DENND1C: variants seen among roughly 807,000 people sequenced by gnomAD.
DENND1C encodes the protein DENN domain-containing protein 1C.
DENND1C carries 64 observed loss-of-function variants against 87.9 expected under a neutral mutation model. That is an observed-to-expected ratio of 0.73 (90% CI 0.60 to 0.90). DENND1C has a LOEUF of 0.90. Ranked by LOEUF, DENND1C falls within the 40% of genes least tolerant of loss-of-function variation. The pLI, the probability that DENND1C is intolerant of heterozygous loss-of-function variation, is 0.00. For synonymous variants in DENND1C, 384 were observed against 424.4 expected (o/e 0.90, Z 1.17); for missense variants, 980 against 1,037.0 (o/e 0.95, Z 0.76).
chr19:6,468,702 CT>C, intron 20 of DENND1C, 57 bp from the exon 21 acceptor site: 1 of 1,413,554 alleles, frequency 7.1e-7, no homozygotes, highest in Non-Finnish European at 9.4e-7. Flanking sequence ...GGGGCTGAGG[CT>C]TGCTGGAGAA....
intron 6 of DENND1C, among the ~76,000 whole-genome samples, chr19:6,478,376 G>C (rs1048846251): frequency 1.3e-5 from 2 of 151,938 alleles, no homozygotes; most frequent in African/African-American, 4.8e-5. Flanking sequence ...CTGAGCAGCT[G>C]GGATTACAGG....
rs1024052163 is a variant in DENND1C at position 6,468,782 on chromosome 19, C to A, written c.1515+64G>T. The A allele has an allele frequency of 1.9e-5, 28 of 1,439,894 alleles. 1 individual carries two copies. The South Asian group carries it at 3.9e-4, about 20-fold the overall frequency. 89.2% of individuals were successfully genotyped at this position (1,439,894 alleles called of 1,614,324 possible). A position where few individuals can be genotyped will look rare whatever the true frequency, so the allele number is the denominator to read the frequency against. Reference sequence around the variant, plus strand: ...AGGAGGTGAGATGTCTGGATGGGGACTGGGATGGGTAGAGGATTCAGTGAT... The same window carrying A: ...AGGAGGTGAGATGTCTGGATGGGGAATGGGATGGGTAGAGGATTCAGTGAT... On this transcript the variant is annotated intron_variant, in intron 20 of 22. Coordinates refer to ENST00000381480, the MANE Select transcript of DENND1C (RefSeq NM_024898.4).
rs1412522833 is a variant in DENND1C, at chr19:6,477,240, G to C, written c.491C>G (p.Pro164Arg). 5 of 1,534,456 alleles carry C rather than the reference G, an allele frequency of 3.3e-6. No individual in the cohort carries two copies. The highest frequency in any genetic ancestry group is 2.7e-5 in the African/African-American group (2 of 72,866). ...CACCGGCTTGCTATTCCCCCGGGTAGGGGGGGGGATACCCTGCCCGCTGGA... is the reference window on the plus strand; with the variant it reads ...CACCGGCTTGCTATTCCCCCGGGTACGGGGGGGGATACCCTGCCCGCTGGA... The part of the protein sequence containing the change: ...TVSSGQGIPP[P>R]TRGNSKPLSC... The change falls in exon 8 of 23, where the codon CCT (proline) becomes CGT (arginine). Residue 164 changes from proline to arginine, a missense_variant. Coordinates refer to ENST00000381480, the MANE Select transcript of DENND1C (RefSeq NM_024898.4).
rs781623078 is a variant in DENND1C at position 6,470,358 on chromosome 19, A to G, written c.1299T>C (p.Gly433=). ...CCTTGACTGAGTGCAGGAGGGCGCC[A>G]CCACCTTTCTGCGGGAGAGAAGATA... ...QLWADNLKKG[G]GALLHSVKAK... is the part of the protein sequence containing the mutation. Residue 433 remains glycine (G), a synonymous_variant, in exon 18 of 23, where the codon GGT becomes GGC. Coordinates refer to ENST00000381480, the MANE Select transcript of DENND1C (RefSeq NM_024898.4). The G allele has an allele frequency of 4.7e-5, 76 of 1,612,588 alleles. No homozygotes were observed. The highest frequency in any genetic ancestry group is 5.9e-5 in the Non-Finnish European group (70 of 1,179,476).
chr19:6,481,621 G>C (rs564476850), intron 1 of DENND1C, 58 bp downstream of exon 1: 124 of 1,609,462 alleles, frequency 7.7e-5, no homozygotes, highest in Middle Eastern at 3.3e-4. Flanking sequence ...CCTCTGCCCC[G>C]GCTCAGGCCT....
At position 6,471,398 on chromosome 19, in the gene DENND1C, G is replaced by A. The variant is rs530060301; in HGVS notation, c.1249+8C>T. On this transcript the variant is annotated splice_region_variant and intron_variant, in intron 16 of 22. Coordinates refer to ENST00000381480, the MANE Select transcript of DENND1C (RefSeq NM_024898.4). ...GTGGGGGACCCAGGGGCTGGACTCA[G>A]GGCTCACCTGAGGAGGCCCCGCAGC... 6.3e-7 allele frequency: 1 copy of A among 1,585,240 alleles called. No individual in the cohort carries two copies. Among genetic ancestry groups the A allele is most frequent in the Admixed American group, 1.8e-5 (1 of 55,270 alleles).
At position 6,468,907 on chromosome 19, in the gene DENND1C, G is replaced by A; in HGVS notation, c.1454C>T (p.Ala485Val). ...CAGGCGGTCTGAGCGGCTGGGGAGG[G>A]CTGGGGCCCTCAGAGAGCCCCCCCT... ...LQRGGSLRAP[A>V]LPSRSDRLQQ... The change falls in exon 20 of 23, where the codon GCC (alanine) becomes GTC (valine). Residue 485 changes from alanine to valine, a missense_variant. Physicochemically the swap from Ala to Val is moderately conservative, Grantham distance 64. Coordinates refer to ENST00000381480, the MANE Select transcript of DENND1C (RefSeq NM_024898.4). The A allele has an allele frequency of 1.3e-6, 2 of 1,485,140 alleles. No individual in the cohort carries two copies. The highest frequency in any genetic ancestry group is 1.8e-6 in the Non-Finnish European group (2 of 1,122,900). The allele number at this position is 1,485,140 out of a possible 1,614,324, so 92.0% of individuals were successfully genotyped here. A position where few individuals can be genotyped will look rare whatever the true frequency, so the allele number is the denominator to read the frequency against.
chr19:6,471,512 G>T lies in DENND1C; in HGVS notation c.1159-16C>A. ...CTTCGATGAACTGGGGTGGGGGACA[G>T]TAAATCAGAAACAGCAGGAGACACA... On this transcript the variant is annotated splice_polypyrimidine_tract_variant and intron_variant, in intron 15 of 22. Coordinates refer to ENST00000381480, the MANE Select transcript of DENND1C (RefSeq NM_024898.4). 1 of 1,531,600 alleles carries T rather than the reference G, an allele frequency of 6.5e-7. No homozygotes were observed. Among genetic ancestry groups the T allele is most frequent in the Non-Finnish European group, 8.8e-7 (1 of 1,136,770 alleles). The allele number at this position is 1,531,600 out of a possible 1,614,324, so 94.9% of individuals were successfully genotyped here. A position where few individuals can be genotyped will look rare whatever the true frequency, so the allele number is the denominator to read the frequency against.
intron 14 of DENND1C, among the ~76,000 whole-genome samples, chr19:6,473,410 C>T (rs1351611635): frequency 6.6e-6 from 1 of 151,328 alleles, no homozygotes; most frequent in Middle Eastern, 3.5e-3. Context: ...ACCTCGGCCT[C>T]CCAAAGTGCT....
chr19:6,470,061 G>T, intron 18 of DENND1C: 1 of 508,254 alleles, frequency 2.0e-6, no homozygotes, highest in Non-Finnish European at 3.5e-6. Context: ...TAAAGGGGCC[G>T]TGGGCGGGGC....
Position 6,468,419 on chromosome 19 carries a change from C to T in DENND1C, c.1606G>A (p.Asp536Asn). The change falls in exon 22 of 23, where the codon GAT (aspartate) becomes AAT (asparagine). Residue 536 changes from aspartate (D) to asparagine (N), a missense_variant. Transcript: ENST00000381480. ...TCTTCTGCCCACGGGCACCCCTCATCCTCAGGGCTCAGTGGGGGTGTCCTG... is the reference window on the plus strand; with the variant it reads ...TCTTCTGCCCACGGGCACCCCTCATTCTCAGGGCTCAGTGGGGGTGTCCTG... ...GAGTPPLSPE[D>N]EGCPWAEEAL... 6.2e-7 allele frequency: 1 copy of T among 1,613,292 alleles called. No individual in the cohort carries two copies. Among genetic ancestry groups the T allele is most frequent in the Non-Finnish European group, 8.5e-7 (1 of 1,179,638 alleles).
intron 1 of DENND1C, among the ~76,000 whole-genome samples, chr19:6,480,753 C>T (rs1484446321): frequency 4.6e-5 from 7 of 151,768 alleles, no homozygotes; most frequent in Non-Finnish European, 8.8e-5. Flanking sequence ...TACAGGTGCC[C>T]GCCACCACGC....
Position 6,478,894 on chromosome 19 carries a change from C to T in DENND1C, c.297-42G>A, listed in dbSNP as rs558568162. On this transcript the variant is annotated intron_variant, in intron 5 of 22. Coordinates refer to ENST00000381480, the MANE Select transcript of DENND1C (RefSeq NM_024898.4). ...CAGGTTCCACGAAGTGTCCCTAGGC[C>T]TCGGCCTTTCCCATCCCCCCCTCCA... 29 of 1,613,892 alleles carry T rather than the reference C, an allele frequency of 1.8e-5. No individual in the cohort carries two copies. The South Asian group carries it at 3.2e-4, about 18-fold the overall frequency.
At position 6,479,888 on chromosome 19, in the gene DENND1C, G is replaced by T; in HGVS notation, c.97C>A (p.Arg33=). Residue 33 remains arginine, a synonymous_variant, in exon 3 of 23, where the codon CGG becomes AGG. Transcript: ENST00000381480. ...TCCCTGAAGTCTGGAGGGAACTGCC[G>T]CAGGATGGGGGGATCTGTAGAAGAG... The part of the protein sequence containing the change: ...ASLQEDPPIL[R]QFPPDFRDQE... 6.2e-7 allele frequency: 1 copy of T among 1,606,164 alleles called. No homozygotes were observed. The highest frequency in any genetic ancestry group is 1.7e-5 in the Admixed American group (1 of 58,268).
At chr19:6,470,424 C>A in intron 17 of DENND1C, 58 bp from the exon 18 acceptor site, 1 of 1,542,656 alleles carries the variant, frequency 6.5e-7, no homozygotes, top group Non-Finnish European at 8.9e-7. Flanking sequence ...CCTCCCCATC[C>A]CAGGTTGTGT....
intron 14 of DENND1C, 85 bp from the exon 15 acceptor site, chr19:6,473,078 AT>A: frequency 1.0e-6 from 1 of 1,003,614 alleles, no homozygotes; most frequent in Non-Finnish European, 1.4e-6. Flanking sequence ...GCAAACATTG[AT>A]TAGGCACTTG....
At chr19:6,475,175 G>C in intron 14 of DENND1C, 99 bp downstream of exon 14, 1 of 1,569,564 alleles carries the variant, frequency 6.4e-7, no homozygotes, top group Non-Finnish European at 8.6e-7. Flanking sequence ...GGGATTACAG[G>C]CGTGAGCCAC....
intron 14 of DENND1C, 85 bp downstream of exon 14, chr19:6,475,189 G>A (rs1333127488): frequency 6.3e-6 from 10 of 1,589,256 alleles, no homozygotes; most frequent in East Asian, 4.5e-5. Context: ...GAGCCACTGC[G>A]TCCGGCCATC....
At chr19:6,468,812 C>T (rs758311467) in intron 20 of DENND1C, 34 bp downstream of exon 20, 1 of 1,488,476 alleles carries the variant, frequency 6.7e-7, no homozygotes, top group Admixed American at 2.4e-5. Flanking sequence ...AGTGATAATT[C>T]CAGGTGTGTG....
Sources: allele counts gnomAD v4.1 joint callset (sites outside exome capture counted in the v4.1 genomes callset), GRCh38; gene constraint gnomAD v4.1.1; transcripts MANE v1.5; gene names NCBI Gene and HGNC (gene_info 2026-07-23, HGNC 2026-07-21).